RASGRP3: variants seen among roughly 807,000 people sequenced by gnomAD.
The protein encoded by RASGRP3 is ras guanyl-releasing protein 3.
RASGRP3 carries 54 observed loss-of-function variants against 82.7 expected under a neutral mutation model. That is an observed-to-expected ratio of 0.65 (90% confidence interval 0.52 to 0.82). The LOEUF (loss-of-function observed/expected upper bound fraction) is 0.82, where lower values mean the gene tolerates loss of function less well. Ranked by LOEUF, RASGRP3 falls within the 40% of genes least tolerant of loss-of-function variation. The pLI, the probability that RASGRP3 is intolerant of heterozygous loss-of-function variation, is 0.00. For synonymous variants in RASGRP3, 309 were observed against 300.5 expected (o/e 1.03, Z -0.29); for missense variants, 861 against 828.9 (o/e 1.04, Z -0.48).
intron 2 of RASGRP3, among the ~76,000 whole-genome samples, chr2:33,466,764 A>T (rs188011729): frequency 6.6e-6 from 1 of 152,090 alleles, no homozygotes; most frequent in African/African-American, 2.4e-5. Flanking sequence ...TTAACAGACT[A>T]CAGTATACTA....
chr2:33,531,635 G>C (rs1673114968), intron 10 of RASGRP3: 1 of 152,218 alleles, frequency 6.6e-6, no homozygotes, highest in Non-Finnish European at 1.5e-5. Flanking sequence ...TCACAGATCA[G>C]GAGACTGAGA....
intron 1 of RASGRP3, among the ~76,000 whole-genome samples, chr2:33,478,397 C>A (rs1275768208): frequency 6.6e-6 from 1 of 152,128 alleles, no homozygotes; most frequent in African/African-American, 2.4e-5. Flanking sequence ...GGGGTTCCTC[C>A]TGAGTCATTC....
intron 11 of RASGRP3, among the ~76,000 whole-genome samples, chr2:33,536,403 G>T (rs946260900): frequency 1.7e-4 from 25 of 151,428 alleles, no homozygotes; most frequent in Admixed American, 1.4e-3. Flanking sequence ...GGATCAAACA[G>T]CTGCTAAGTT....
At chr2:33,521,596 C>A (rs1672042113) in intron 6 of RASGRP3, among the ~76,000 whole-genome samples, 1 of 152,206 alleles carries the variant, frequency 6.6e-6, no homozygotes, top group Non-Finnish European at 1.5e-5. Context: ...AGTATGAGAA[C>A]CACAGCTTCT....
At chr2:33,554,488 T>C (rs562123814) in intron 14 of RASGRP3, among the ~76,000 whole-genome samples, 20 of 151,678 alleles carry the variant, frequency 1.3e-4, no homozygotes, top group South Asian at 1.3e-3. Context: ...CTTCTTTTTT[T>C]TTGAGATGGA....
intron 2 of RASGRP3, among the ~76,000 whole-genome samples, chr2:33,514,516 A>C (rs907332031): frequency 1.3e-5 from 2 of 149,612 alleles, no homozygotes; most frequent in Non-Finnish European, 3.0e-5. Flanking sequence ...AAAAAAAAAA[A>C]AAAAAAAAAA....
At chr2:33,469,831 C>T (rs532699423) in intron 2 of RASGRP3, among the ~76,000 whole-genome samples, 2 of 152,304 alleles carry the variant, frequency 1.3e-5, no homozygotes, top group Admixed American at 1.3e-4. Context: ...GTAATGATTG[C>T]ATCTTAATTT....
intron 12 of RASGRP3, among the ~76,000 whole-genome samples, chr2:33,542,665 C>T (rs1049033853): frequency 3.4e-5 from 5 of 146,304 alleles, no homozygotes; most frequent in East Asian, 1.9e-4. Flanking sequence ...TTTCCCCCCC[C>T]CACCAATATC....
At chr2:33,474,697 C>T (rs1243939298), upstream of RASGRP3, among the ~76,000 whole-genome samples, 1 of 152,208 alleles carries the variant, frequency 6.6e-6, no homozygotes, top group Non-Finnish European at 1.5e-5. Flanking sequence ...CCCACTTTGC[C>T]TTCCACCATG....
intron 1 of RASGRP3, among the ~76,000 whole-genome samples, chr2:33,440,044 T>C (rs1665143129): frequency 6.6e-6 from 1 of 152,106 alleles, no homozygotes; most frequent in South Asian, 2.1e-4. Context: ...GATGTTATGT[T>C]TTATGGCTCC....
At chr2:33,452,898 C>T (rs1374843028) in intron 2 of RASGRP3, among the ~76,000 whole-genome samples, 1 of 152,170 alleles carries the variant, frequency 6.6e-6, no homozygotes, top group African/African-American at 2.4e-5. Flanking sequence ...TGCCCTTATC[C>T]ACAGGTGCTA....
At chr2:33,473,597 A>C (rs1667190149), upstream of RASGRP3, among the ~76,000 whole-genome samples, 1 of 152,160 alleles carries the variant, frequency 6.6e-6, no homozygotes, top group East Asian at 1.9e-4. Flanking sequence ...TGAGTCGAAG[A>C]CAATGCTTGG....
At chr2:33,455,035 G>C (rs1488841882) in intron 2 of RASGRP3, among the ~76,000 whole-genome samples, 1 of 152,138 alleles carries the variant, frequency 6.6e-6, no homozygotes, top group African/African-American at 2.4e-5. Context: ...CATAAGGGGT[G>C]GTTGAATGTG....
At chr2:33,449,045 T>A (rs1665649027) in intron 2 of RASGRP3, among the ~76,000 whole-genome samples, 1 of 152,340 alleles carries the variant, frequency 6.6e-6, no homozygotes, top group African/African-American at 2.4e-5. Flanking sequence ...AGACATGTTT[T>A]TCAAATTATG....
At chr2:33,437,460 C>T (rs372072191) in intron 1 of RASGRP3, among the ~76,000 whole-genome samples, 15 of 152,182 alleles carry the variant, frequency 9.9e-5, no homozygotes, top group South Asian at 6.2e-4. Context: ...CTTGGAGTAA[C>T]TTGATTAATG....
At chr2:33,550,434 T>C (rs1675247727) in intron 14 of RASGRP3, among the ~76,000 whole-genome samples, 1 of 152,186 alleles carries the variant, frequency 6.6e-6, no homozygotes, top group African/African-American at 2.4e-5. Context: ...GTCAGCCCTG[T>C]GCTTCACCTA....
chr2:33,514,919 G>A (rs1671301520), intron 2 of RASGRP3, 91 bp from the exon 3 acceptor site: 3 of 564,140 alleles, frequency 5.3e-6, no homozygotes, highest in Non-Finnish European at 9.5e-6. Flanking sequence ...ACAGTCTATG[G>A]AAGTCATTAT....
chr2:33,479,808 T>C (rs528475602), intron 1 of RASGRP3, among the ~76,000 whole-genome samples: 99 of 152,202 alleles, frequency 6.5e-4, no homozygotes, highest in African/African-American at 2.3e-3. Context: ...AAAAATGTCA[T>C]TTGGCTGTCC....
chr2:33,449,754 T>C (rs1372114827), intron 2 of RASGRP3, among the ~76,000 whole-genome samples: 1 of 150,716 alleles, frequency 6.6e-6, no homozygotes, highest in Non-Finnish European at 1.5e-5. Flanking sequence ...CGAGACTCCA[T>C]CTCCAAAAAA....
Sources: allele counts gnomAD v4.1 joint callset (sites outside exome capture counted in the v4.1 genomes callset), GRCh38; gene constraint gnomAD v4.1.1; transcripts MANE v1.5; gene names NCBI Gene and HGNC (gene_info 2026-07-23, HGNC 2026-07-21).